The following SORCS2 variants were observed in gnomAD, a reference collection of about 807,000 sequenced individuals.
SORCS2 encodes VPS10 domain-containing receptor SorCS2.
In SORCS2, 100 loss-of-function variants were observed where a neutral mutation model predicts 141.6. The observed-to-expected ratio is 0.71, with a 90% CI of 0.60 to 0.83. The LOEUF is 0.83. SORCS2 is among the 40% of genes least tolerant of loss of function. The pLI is 0.00. For synonymous variants in SORCS2, 789 were observed against 676.9 expected (o/e 1.17, Z -2.57); for missense variants, 1,646 against 1,560.2 (o/e 1.05, Z -0.93).
Position 7,325,437 on chromosome 4 carries a change from C to G in SORCS2, c.481-70851C>G, listed in dbSNP as rs533863211. Among the ~76,000 whole-genome samples, 4 of 152,290 alleles carry G rather than the reference C, an allele frequency of 2.6e-5. No homozygotes were observed. In the South Asian group the frequency reaches 8.3e-4, roughly 32 times the overall value. The stretch of plus-strand genomic sequence containing the variant: ...AATGAATGAAGCAGGCAAGAAGGAA[C>G]AGCTGGAAAAGCTAACTGGTTATCT... On this transcript the variant is annotated intron_variant, in intron 1 of 26. Coordinates refer to ENST00000507866, the MANE Select transcript of SORCS2 (RefSeq NM_020777.3).
intron 2 of SORCS2, among the ~76,000 whole-genome samples, chr4:7,406,490 T>C (rs1300562160): frequency 2.6e-5 from 4 of 151,880 alleles, no homozygotes; most frequent in African/African-American, 7.2e-5. Flanking sequence ...CAGGAATTTA[T>C]CCATTTCTTC....
intron 2 of SORCS2, among the ~76,000 whole-genome samples, chr4:7,512,990 C>T (rs542323148): frequency 3.9e-5 from 6 of 152,158 alleles, no homozygotes; most frequent in African/African-American, 1.4e-4. Flanking sequence ...TAGGAAAAGC[C>T]CACATCATTG....
chr4:7,722,543 CAG>C (rs1726662736), intron 18 of SORCS2, among the ~76,000 whole-genome samples: 2 of 152,244 alleles, frequency 1.3e-5, no homozygotes, highest in African/African-American at 2.4e-5. Flanking sequence ...TGGCCCCTGA[CAG>C]AGTCACTCCT....
At chr4:7,200,201 G>T (rs1418964668) in intron 1 of SORCS2, among the ~76,000 whole-genome samples, 1 of 152,160 alleles carries the variant, frequency 6.6e-6, no homozygotes, top group Non-Finnish European at 1.5e-5. Flanking sequence ...GGGACCACCA[G>T]GGGCCGACTG....
At chr4:7,485,379 T>A (rs1730914318) in intron 2 of SORCS2, among the ~76,000 whole-genome samples, 1 of 152,194 alleles carries the variant, frequency 6.6e-6, no homozygotes, top group South Asian at 2.1e-4. Flanking sequence ...CCTCCACAAC[T>A]ATCCCGTCAC....
intron 1 of SORCS2, among the ~76,000 whole-genome samples, chr4:7,281,906 G>A (rs747830249): frequency 1.3e-5 from 2 of 152,306 alleles, no homozygotes; most frequent in East Asian, 3.9e-4. Flanking sequence ...TCCAGGACTC[G>A]TGACATGGTG....
At chr4:7,618,711 C>G (rs1363502976) in intron 3 of SORCS2, among the ~76,000 whole-genome samples, 1 of 152,110 alleles carries the variant, frequency 6.6e-6, no homozygotes, top group African/African-American at 2.4e-5. Flanking sequence ...CCCTCCTTTC[C>G]CAGGTCACAA....
chr4:7,196,088 C>A (rs947460440), intron 1 of SORCS2, among the ~76,000 whole-genome samples: 2 of 152,198 alleles, frequency 1.3e-5, no homozygotes, highest in Non-Finnish European at 1.5e-5. Flanking sequence ...GTTTTCCTTC[C>A]AACGGCTTGG....
chr4:7,628,907 A>C (rs564016745), intron 3 of SORCS2, among the ~76,000 whole-genome samples: 1 of 152,320 alleles, frequency 6.6e-6, no homozygotes, highest in East Asian at 1.9e-4. Flanking sequence ...TAATAATATA[A>C]AAGGATGTTT....
chr4:7,358,571 T>C (rs574183682), intron 1 of SORCS2, among the ~76,000 whole-genome samples: 5 of 152,336 alleles, frequency 3.3e-5, no homozygotes, highest in African/African-American at 9.6e-5. Flanking sequence ...CTTTCAACTC[T>C]TGAAGTATTG....
In SORCS2 at chr4:7,217,870, G is replaced by A. The variant is rs547409173; in HGVS notation, c.480+24744G>A. On this transcript the variant is annotated intron_variant, in intron 1 of 26. Transcript: ENST00000507866. ...TAGGGGCAAGGTTCTTGAAGGGATT[G>A]TGTATTTTTAGGGTGGCGAGGGTCG... 7.2e-5 allele frequency among the ~76,000 whole-genome samples: 11 copies of A among 152,360 alleles called. No individual in the cohort carries two copies. In the South Asian group the frequency reaches 2.1e-3, roughly 29 times the overall value.
chr4:7,478,851 G>A (rs933441890), intron 2 of SORCS2, among the ~76,000 whole-genome samples: 3 of 152,190 alleles, frequency 2.0e-5, no homozygotes, highest in Admixed American at 6.5e-5. Flanking sequence ...GCTGGGCACC[G>A]AGGCCTGGGT....
intron 3 of SORCS2, among the ~76,000 whole-genome samples, chr4:7,596,401 C>T (rs1717280882): frequency 6.6e-6 from 1 of 152,132 alleles, no homozygotes; most frequent in Non-Finnish European, 1.5e-5. Flanking sequence ...ACTCGCTAGA[C>T]CTGCATGTCA....
At chr4:7,299,660 C>T (rs1717307364) in intron 1 of SORCS2, among the ~76,000 whole-genome samples, 2 of 152,138 alleles carry the variant, frequency 1.3e-5, no homozygotes, top group Admixed American at 1.3e-4. Flanking sequence ...CTGTGCTCAC[C>T]CTAATTGTCC....
chr4:7,582,975 C>T (rs573951249), intron 3 of SORCS2, among the ~76,000 whole-genome samples: 1 of 152,160 alleles, frequency 6.6e-6, no homozygotes, highest in Admixed American at 6.5e-5. Context: ...CTGTGGCTTC[C>T]TAGGACTTGG....
intron 3 of SORCS2, among the ~76,000 whole-genome samples, chr4:7,550,722 C>T (rs977438746): frequency 1.3e-5 from 2 of 152,202 alleles, no homozygotes; most frequent in African/African-American, 4.8e-5. Context: ...TCCAACAGGA[C>T]AATCCACTGT....
chr4:7,399,579 G>A (rs1248360026), intron 2 of SORCS2, among the ~76,000 whole-genome samples: 2 of 152,048 alleles, frequency 1.3e-5, no homozygotes, highest in African/African-American at 4.8e-5. Context: ...TCAATCTCAG[G>A]CCCCCTTGAA....
intron 2 of SORCS2, among the ~76,000 whole-genome samples, chr4:7,447,908 C>T (rs1284836127): frequency 6.6e-6 from 1 of 152,198 alleles, no homozygotes; most frequent in African/African-American, 2.4e-5. Flanking sequence ...TCTCCCCTCC[C>T]TCCGCCCCTA....
At chr4:7,451,945 G>A (rs187655058) in intron 2 of SORCS2, among the ~76,000 whole-genome samples, 38 of 152,294 alleles carry the variant, frequency 2.5e-4, no homozygotes, top group South Asian at 4.1e-4. Context: ...AGGTGCTTGC[G>A]CGAGTGCACA....
Sources: gnomAD v4.1 joint callset for allele counts (sites outside exome capture counted in the v4.1 genomes callset) on GRCh38, gnomAD v4.1.1 for gene constraint, MANE v1.5 for transcripts, NCBI Gene and HGNC (gene_info 2026-07-23, HGNC 2026-07-21) for gene names.